Variants in SPACDR observed in about 807,000 individuals in gnomAD.
SPACDR encodes the protein sperm acrosome developmental regulator, also known as uncharacterized protein C7orf61.
the SPACDR span, chr7:100,463,899 G>T: frequency 6.5e-7 from 1 of 1,532,408 alleles, no homozygotes; most frequent in South Asian, 1.2e-5. Flanking sequence ...CGCAGTAAGG[G>T]GCTGCTGCGA....
chr7:100,464,159 G>A, the SPACDR span: 2 of 1,512,138 alleles, frequency 1.3e-6, no homozygotes, highest in Non-Finnish European at 1.8e-6. Context: ...TTCAAGCACA[G>A]CAGTAAAGAA....
At chr7:100,463,949 T>G in the SPACDR span, 1 of 1,604,206 alleles carries the variant, frequency 6.2e-7, no homozygotes, top group Non-Finnish European at 8.5e-7. Context: ...GACAGAGTGG[T>G]CTCAGAAACT....
the SPACDR span, among the ~76,000 whole-genome samples, chr7:100,459,137 G>T: frequency 7.8e-6 from 1 of 128,436 alleles, no homozygotes; most frequent in Non-Finnish European, 1.6e-5. Context: ...CCGAGTAGCT[G>T]GTACTACAGG....
chr7:100,461,289 T>C, the SPACDR span, among the ~76,000 whole-genome samples: 1 of 152,086 alleles, frequency 6.6e-6, no homozygotes, highest in Non-Finnish European at 1.5e-5. Context: ...GGTTTCACCA[T>C]GTCGGCCAGG....
chr7:100,463,377 T>C, the SPACDR span: 1 of 1,595,282 alleles, frequency 6.3e-7, no homozygotes, highest in Non-Finnish European at 8.5e-7. Flanking sequence ...CAGCTGCACA[T>C]CTGCCAGCCG....
chr7:100,457,853 A>ATTT, the SPACDR span, among the ~76,000 whole-genome samples: 186 of 47,368 alleles, frequency 3.9e-3, 10 homozygotes, highest in African/African-American at 0.015. Flanking sequence ...ATATATATAT[A>ATTT]TATATTTTTT....
the SPACDR span, chr7:100,463,297 A>G: frequency 7.6e-6 from 10 of 1,310,438 alleles, no homozygotes; most frequent in African/African-American, 1.3e-4. Context: ...TGAACAAGTA[A>G]TCAGAGGGAG....
the SPACDR span, chr7:100,463,747 T>C: frequency 1.4e-6 from 2 of 1,461,824 alleles, no homozygotes; most frequent in Non-Finnish European, 1.9e-6. Flanking sequence ...GACAACACCA[T>C]CCACAGAAAA....
chr7:100,460,130 C>A, the SPACDR span, among the ~76,000 whole-genome samples: 1 of 151,588 alleles, frequency 6.6e-6, no homozygotes. Context: ...ACCTTGTGAT[C>A]CACCTGCCTC....
At chr7:100,458,631 A>G in the SPACDR span, among the ~76,000 whole-genome samples, 2 of 152,350 alleles carry the variant, frequency 1.3e-5, no homozygotes, top group East Asian at 3.9e-4. Flanking sequence ...TCCACTCAGT[A>G]TAATTTCCTT....
the SPACDR span, among the ~76,000 whole-genome samples, chr7:100,461,805 C>T: frequency 6.6e-6 from 1 of 151,718 alleles, no homozygotes; most frequent in Non-Finnish European, 1.5e-5. Flanking sequence ...CTGGTTAACA[C>T]AGTGAAACCC....
the SPACDR span, among the ~76,000 whole-genome samples, chr7:100,458,298 G>A: frequency 6.7e-6 from 1 of 150,154 alleles, no homozygotes; most frequent in Non-Finnish European, 1.5e-5. Flanking sequence ...CCACAGTCAA[G>A]GTACAGAACA....
chr7:100,461,613 C>T, the SPACDR span, among the ~76,000 whole-genome samples: 1 of 152,100 alleles, frequency 6.6e-6, no homozygotes, highest in East Asian at 1.9e-4. Context: ...GACACCCCTC[C>T]CACTCCCTCC....
chr7:100,464,088 C>CGGGGGGGGGGG, the SPACDR span: 1 of 72,402 alleles, frequency 1.4e-5, no homozygotes, highest in Non-Finnish European at 1.9e-5. Flanking sequence ...GTGGGGGTGG[C>CGGGGGGGGGGG]GGGTGGGGGA....
chr7:100,461,388 C>T, the SPACDR span, among the ~76,000 whole-genome samples: 1 of 152,052 alleles, frequency 6.6e-6, no homozygotes, highest in Non-Finnish European at 1.5e-5. Context: ...GCAGACTTCC[C>T]ACTTCAGCCT....
the SPACDR span, among the ~76,000 whole-genome samples, chr7:100,462,879 G>T: frequency 6.8e-6 from 1 of 147,950 alleles, no homozygotes; most frequent in Non-Finnish European, 1.5e-5. Flanking sequence ...GGAGGCTGAG[G>T]CAGGTGGATC....
chr7:100,464,176 A>G, the SPACDR span: 22 of 1,492,542 alleles, frequency 1.5e-5, no homozygotes, highest in Non-Finnish European at 2.0e-5. Context: ...AGAAAGAAGT[A>G]GGAAATCCTG....
At chr7:100,457,320 C>CT in the SPACDR span, among the ~76,000 whole-genome samples, 46 of 145,308 alleles carry the variant, frequency 3.2e-4, no homozygotes, top group Non-Finnish European at 4.6e-4. Context: ...TTCTATTCTT[C>CT]TTTTTTTTGT....
the SPACDR span, among the ~76,000 whole-genome samples, chr7:100,458,416 C>CA: frequency 6.6e-6 from 1 of 151,804 alleles, no homozygotes; most frequent in Non-Finnish European, 1.5e-5. Flanking sequence ...AAAAACAAAA[C>CA]AAAAAAAGAT....
Sources: gnomAD v4.1 joint callset for allele counts (sites outside exome capture counted in the v4.1 genomes callset) on GRCh38, gnomAD v4.1.1 for gene constraint, MANE v1.5 for transcripts, NCBI Gene and HGNC (gene_info 2026-07-23, HGNC 2026-07-21) for gene names.